The following AK4 variants were observed in gnomAD, a reference collection of about 807,000 sequenced individuals.
AK4 encodes adenylate kinase 4, mitochondrial.
Under a neutral mutation model 24.6 loss-of-function variants are expected in AK4, and 13 were observed. The ratio of observed to expected loss-of-function variants is 0.53; its 90% CI spans 0.34 to 0.84. AK4 has a LOEUF of 0.84. AK4 is among the 40% of genes least tolerant of loss of function. The pLI is 0.01. For synonymous variants in AK4, 88 were observed against 107.0 expected, an observed-to-expected ratio of 0.82 and a Z score of 1.10; for missense variants, 192 against 288.2, an observed-to-expected ratio of 0.67 and a Z score of 2.42.
At chr1:65,159,969 C>CAA (rs951802334) in intron 1 of AK4, among the ~76,000 whole-genome samples, 6,638 of 63,156 alleles carry the variant, frequency 0.11, 311 homozygotes, top group Middle Eastern at 0.16. Flanking sequence ...ACTATGTCTC[C>CAA]AAAAAAAAAA....
At chr1:65,177,245 TAA>T (rs773761652) in intron 1 of AK4, among the ~76,000 whole-genome samples, 79,170 of 152,042 alleles carry the variant, frequency 0.52, 24,890 homozygotes, top group African/African-American at 0.88. Flanking sequence ...GACCAGTGAC[TAA>T]TATGCCACGA....
At position 65,211,284 on chromosome 1, in the gene AK4, A is replaced by G. The variant is rs148508086; in HGVS notation, c.266-7470A>G. ...AAAATCTCCAAAGAGAAAAAGCAAG[A>G]TGCAGAACATTTGTTGTGTGTATGT... On this transcript the variant is annotated intron_variant, in intron 2 of 4. Transcript: ENST00000327299. Among the ~76,000 whole-genome samples, 439 of 152,346 alleles carry G rather than the reference A, an allele frequency of 2.9e-3. 8 individuals are homozygous for G. Among genetic ancestry groups the G allele is most frequent in the African/African-American group, 9.8e-3 (409 of 41,572 alleles).
At chr1:65,218,716 A>G (rs1652205287) in intron 2 of AK4, 38 bp from the exon 3 acceptor site, 1 of 1,540,380 alleles carries the variant, frequency 6.5e-7, no homozygotes, top group African/African-American at 1.4e-5. Flanking sequence ...GAACTGGGCA[A>G]TAGCTTGCAT....
At chr1:65,164,830 A>G (rs1191707228) in intron 1 of AK4, among the ~76,000 whole-genome samples, 1 of 152,180 alleles carries the variant, frequency 6.6e-6, no homozygotes, top group Non-Finnish European at 1.5e-5. Flanking sequence ...TCCACAGTGT[A>G]GCCATTGTTT....
intron 2 of AK4, among the ~76,000 whole-genome samples, chr1:65,216,639 T>C (rs12046938): frequency 8.0e-6 from 1 of 125,236 alleles, no homozygotes; most frequent in Non-Finnish European, 1.5e-5. Flanking sequence ...TTTTTTTTTC[T>C]TTTTTCTTTC....
At chr1:65,191,548 T>C (rs1267626172) in intron 2 of AK4, among the ~76,000 whole-genome samples, 5 of 149,838 alleles carry the variant, frequency 3.3e-5, no homozygotes, top group Non-Finnish European at 5.9e-5. Flanking sequence ...GAAGGTAGGT[T>C]TTTTTTTTTC....
At chr1:65,162,173 G>A (rs1650188834) in intron 1 of AK4, among the ~76,000 whole-genome samples, 1 of 152,134 alleles carries the variant, frequency 6.6e-6, no homozygotes, top group African/African-American at 2.4e-5. Flanking sequence ...TTGTGCCCAG[G>A]AGGTGGAGGC....
chr1:65,167,204 C>T (rs760928696), intron 1 of AK4, among the ~76,000 whole-genome samples: 12 of 152,132 alleles, frequency 7.9e-5, no homozygotes, highest in Admixed American at 6.5e-5. Flanking sequence ...TAGGTCTAAT[C>T]GGATGGATTT....
intron 4 of AK4, among the ~76,000 whole-genome samples, 200 bp from the exon 5 acceptor site, chr1:65,225,863 T>C (rs1471209747): frequency 6.6e-6 from 1 of 152,158 alleles, no homozygotes; most frequent in Non-Finnish European, 1.5e-5. Flanking sequence ...ATGACAAGCA[T>C]ACCAGAATTG....
At chr1:65,215,337 A>C (rs960003801) in intron 2 of AK4, among the ~76,000 whole-genome samples, 1 of 151,570 alleles carries the variant, frequency 6.6e-6, no homozygotes, top group Admixed American at 6.6e-5. Context: ...ATGCCCGGCT[A>C]ATTTTTATAT....
chr1:65,169,866 G>T lies in AK4; in HGVS notation c.146-20844G>T, dbSNP rs114522961. 2.3e-3 allele frequency among the ~76,000 whole-genome samples: 344 copies of T among 151,532 alleles called. 3 individuals carry two copies. The highest frequency in any genetic ancestry group is 8.1e-3 in the African/African-American group (332 of 41,214). ...TTGCATTAAAGTATTATTTTTTCTT[G>T]GTCATTAGTTGTTCGGTTTTGTGTG... On this transcript the variant is annotated intron_variant, in intron 1 of 4. Coordinates refer to ENST00000327299, the MANE Select transcript of AK4 (RefSeq NM_013410.4).
chr1:65,212,359 C>T (rs774105606), intron 2 of AK4, among the ~76,000 whole-genome samples: 37 of 151,512 alleles, frequency 2.4e-4, no homozygotes, highest in Non-Finnish European at 4.3e-4. Context: ...TTCAGTGGCG[C>T]GATCTCAGTG....
At chr1:65,197,242 C>G (rs756305149) in intron 2 of AK4, among the ~76,000 whole-genome samples, 14 of 152,208 alleles carry the variant, frequency 9.2e-5, no homozygotes, top group Admixed American at 2.0e-4. Flanking sequence ...TGCCTGCTTA[C>G]TTGTGCCTTG....
intron 2 of AK4, among the ~76,000 whole-genome samples, chr1:65,191,437 CAAA>C (rs964446519): frequency 2.0e-5 from 3 of 151,274 alleles, no homozygotes; most frequent in African/African-American, 7.3e-5. Context: ...TCTGAGGACA[CAAA>C]GAAGAAAATT....
intron 2 of AK4, among the ~76,000 whole-genome samples, chr1:65,208,924 G>C (rs1264551212): frequency 1.3e-5 from 2 of 152,184 alleles, no homozygotes; most frequent in Non-Finnish European, 2.9e-5. Context: ...CCAGTGGCCA[G>C]CACTGCTGGG....
At chr1:65,152,374 ATATATATATATTTTTTTTTTTTTT>A (rs1557434483) in intron 1 of AK4, among the ~76,000 whole-genome samples, 2 of 68,984 alleles carry the variant, frequency 2.9e-5, no homozygotes, top group African/African-American at 9.7e-5. Context: ...ATATATATAT[ATATATATATATTTTTTTTTTTTTT>A]TTTTTTTTTT....
At chr1:65,185,895 G>A (rs1464881356) in intron 1 of AK4, among the ~76,000 whole-genome samples, 1 of 151,412 alleles carries the variant, frequency 6.6e-6, no homozygotes, top group Non-Finnish European at 1.5e-5. Flanking sequence ...GATTACAGGC[G>A]TGAGCTACTG....
intron 2 of AK4, among the ~76,000 whole-genome samples, chr1:65,200,951 G>T (rs1027407530): frequency 8.6e-5 from 13 of 152,024 alleles, no homozygotes; most frequent in Admixed American, 8.5e-4. Context: ...GTGCCACCAC[G>T]CCCAGCTAAT....
chr1:65,200,667 T>G (rs1447147233), intron 2 of AK4, among the ~76,000 whole-genome samples: 1 of 152,202 alleles, frequency 6.6e-6, no homozygotes, highest in Non-Finnish European at 1.5e-5. Context: ...CTTCTGGTGC[T>G]AAGCATTCAT....
Sources: gnomAD v4.1 joint callset for allele counts (sites outside exome capture counted in the v4.1 genomes callset) on GRCh38, gnomAD v4.1.1 for gene constraint, MANE v1.5 for transcripts, NCBI Gene and HGNC (gene_info 2026-07-23, HGNC 2026-07-21) for gene names.